Variants in RSU1 observed in about 807,000 individuals in gnomAD.
The protein encoded by RSU1 is rsu-1.
A neutral mutation model predicts 31.1 loss-of-function variants in RSU1; 26 were observed. The ratio of observed to expected loss-of-function variants is 0.84; its 90% CI spans 0.61 to 1.16. RSU1 has a LOEUF of 1.16. RSU1 is among the 50% of genes most tolerant of loss of function. The pLI, the probability that RSU1 is intolerant of heterozygous loss-of-function variation, is 0.00. For synonymous variants in RSU1, 164 were observed against 136.3 expected (o/e 1.20, Z -1.41); for missense variants, 320 against 339.1 (o/e 0.94, Z 0.44).
intron 8 of RSU1, among the ~76,000 whole-genome samples, chr10:16,681,716 T>C (rs931038614): frequency 2.0e-5 from 3 of 152,086 alleles, no homozygotes; most frequent in Non-Finnish European, 4.4e-5. Flanking sequence ...ATGAGGTCAT[T>C]TGCCATGAGA....
chr10:16,648,136 T>TATTTTA (rs1274056552), intron 8 of RSU1, among the ~76,000 whole-genome samples: 2 of 135,422 alleles, frequency 1.5e-5, no homozygotes, highest in African/African-American at 7.7e-5. Flanking sequence ...AAAAAAATTT[T>TATTTTA]TTTTTTTTTT....
intron 8 of RSU1, among the ~76,000 whole-genome samples, chr10:16,691,416 AT>A (rs1383224346): frequency 7.0e-6 from 1 of 141,960 alleles, no homozygotes; most frequent in Non-Finnish European, 1.5e-5. Flanking sequence ...AGTTTGACTT[AT>A]TGTCTTATCA....
intron 8 of RSU1, among the ~76,000 whole-genome samples, chr10:16,689,062 C>T (rs1015843429): frequency 2.0e-5 from 3 of 151,592 alleles, no homozygotes; most frequent in African/African-American, 7.3e-5. Context: ...TTCATGTCTA[C>T]TACACAGAAA....
intron 7 of RSU1, among the ~76,000 whole-genome samples, chr10:16,718,304 C>T (rs1347452226): frequency 6.6e-6 from 1 of 151,816 alleles, no homozygotes; most frequent in Non-Finnish European, 1.5e-5. Flanking sequence ...AAATTGACAT[C>T]AAAAAAGGGT....
intron 2 of RSU1, among the ~76,000 whole-genome samples, chr10:16,810,770 T>G (rs1333003279): frequency 6.6e-6 from 1 of 152,186 alleles, no homozygotes; most frequent in Non-Finnish European, 1.5e-5. Context: ...CACTCAACAA[T>G]GAACCACCCG....
chr10:16,622,989 T>C (rs985392172), intron 8 of RSU1, among the ~76,000 whole-genome samples: 2 of 152,222 alleles, frequency 1.3e-5, no homozygotes, highest in African/African-American at 4.8e-5. Flanking sequence ...CTGTAATAAT[T>C]AACACACTGT....
chr10:16,634,004 A>T (rs1834302605), intron 8 of RSU1, among the ~76,000 whole-genome samples: 1 of 152,184 alleles, frequency 6.6e-6, no homozygotes, highest in African/African-American at 2.4e-5. Flanking sequence ...GCACGATCTC[A>T]CACTGACGTT....
At chr10:16,694,879 G>T (rs563171409) in intron 8 of RSU1, 144 bp downstream of exon 8, 1 of 743,846 alleles carries the variant, frequency 1.3e-6, no homozygotes, top group Non-Finnish European at 2.1e-6. Context: ...ACACCTGGCC[G>T]ACATGCAGTT....
intron 8 of RSU1, among the ~76,000 whole-genome samples, chr10:16,613,910 T>C (rs1299863073): frequency 2.6e-5 from 4 of 151,786 alleles, no homozygotes; most frequent in African/African-American, 7.3e-5. Context: ...TGTGTAAAAA[T>C]ACATGAAACA....
At chr10:16,816,914 T>C (rs934113368) in intron 2 of RSU1, 59 bp downstream of exon 2, 37 of 1,221,448 alleles carry the variant, frequency 3.0e-5, no homozygotes, top group African/African-American at 1.0e-4. Context: ...CAGCAGTGAA[T>C]TGGCAAACTT....
intron 8 of RSU1, among the ~76,000 whole-genome samples, chr10:16,690,374 CAAGTTCCCCTGTGGAAGGCACGAAAGATG>C: frequency 6.6e-6 from 1 of 152,182 alleles, no homozygotes. Flanking sequence ...CATCAGCCAA[CAAGTTCCCCTGTGGAAGGCACGAAAGATG>C]AAGAGACAGC....
Position 16,817,091 on chromosome 10 carries a change from C to A in RSU1, c.-3-7G>T, listed in dbSNP as rs1237927191. 6.3e-7 allele frequency: 1 copy of A among 1,593,274 alleles called. No homozygotes were observed. The highest frequency in any genetic ancestry group is 2.2e-5 in the East Asian group (1 of 44,766). On this transcript the variant is annotated splice_polypyrimidine_tract_variant and splice_region_variant and intron_variant, in intron 1 of 8. Coordinates refer to ENST00000345264, the MANE Select transcript of RSU1 (RefSeq NM_012425.4). ...TCAGAGACTTGGACATGGTCTGCAC[C>A]GAACAACAACAAAGCACGTGGGCGA... is the stretch of plus-strand genomic sequence containing the variant.
chr10:16,786,160 G>T (rs531952732), intron 2 of RSU1, among the ~76,000 whole-genome samples: 2 of 152,316 alleles, frequency 1.3e-5, no homozygotes, highest in East Asian at 3.9e-4. Context: ...CAAGGCAGCC[G>T]AACCCATGAC....
At chr10:16,810,501 G>A (rs1268423268) in intron 2 of RSU1, among the ~76,000 whole-genome samples, 1 of 151,986 alleles carries the variant, frequency 6.6e-6, no homozygotes, top group Non-Finnish European at 1.5e-5. Context: ...CTCTGAACTC[G>A]CCAGTGTGTG....
chr10:16,750,769 G>T (rs1179567784), intron 7 of RSU1, among the ~76,000 whole-genome samples: 1 of 152,066 alleles, frequency 6.6e-6, no homozygotes. Context: ...GATTTAGTAG[G>T]TTGGGGAGGG....
At chr10:16,765,718 C>T (rs1837300258) in intron 3 of RSU1, among the ~76,000 whole-genome samples, 1 of 152,192 alleles carries the variant, frequency 6.6e-6, no homozygotes, top group African/African-American at 2.4e-5. Context: ...ATCCAGATAA[C>T]TAAGAACATG....
At chr10:16,817,200 G>A (rs1159444708) in intron 1 of RSU1, 115 bp downstream of exon 1, 4 of 739,162 alleles carry the variant, frequency 5.4e-6, no homozygotes, top group East Asian at 2.5e-5. Context: ...GTGGGCGTCC[G>A]AGGGCGTCCC....
At chr10:16,681,638 G>A (rs897687214) in intron 8 of RSU1, among the ~76,000 whole-genome samples, 1 of 152,086 alleles carries the variant, frequency 6.6e-6, no homozygotes, top group Admixed American at 6.6e-5. Context: ...ATCATTGCTG[G>A]GACGACCCTC....
chr10:16,697,987 CTTTTTTTTTTTT>C (rs67816326), intron 7 of RSU1, among the ~76,000 whole-genome samples: 1,402 of 99,618 alleles, frequency 0.014, 26 homozygotes, highest in African/African-American at 0.065. Flanking sequence ...AGGAACACAC[CTTTTTTTTTTTT>C]TTTTTTTTTT....
Sources: gnomAD v4.1 joint callset for allele counts (sites outside exome capture counted in the v4.1 genomes callset) on GRCh38, gnomAD v4.1.1 for gene constraint, MANE v1.5 for transcripts, NCBI Gene and HGNC (gene_info 2026-07-23, HGNC 2026-07-21) for gene names.